The following WNT11 variants were observed in gnomAD, a reference collection of about 807,000 sequenced individuals.
WNT11 encodes the protein protein Wnt-11.
WNT11 carries 20 observed loss-of-function variants against 35.6 expected under a neutral mutation model. The ratio of observed to expected loss-of-function variants is 0.56; its 90% confidence interval spans 0.40 to 0.82. The LOEUF (loss-of-function observed/expected upper bound fraction) is 0.82. Among genes scored for constraint, WNT11 ranks in the 40% least tolerant of loss-of-function variants. WNT11 has a pLI of 0.00. For missense variants in WNT11, 459 were observed against 504.4 expected (o/e 0.91, Z 0.86); for synonymous variants, 200 against 211.9 (o/e 0.94, Z 0.49).
At position 76,195,323 on chromosome 11, in the gene WNT11, G is replaced by A. The variant is rs552471524; in HGVS notation, c.320-479C>T. On this transcript the variant is annotated intron_variant, in intron 2 of 4. Coordinates refer to ENST00000322563, the MANE Select transcript of WNT11 (RefSeq NM_004626.3). ...AATGGGGCTGAGACGAGGTCATACC[G>A]GATCAGGGTGGGCCCTAGGCCAGTG... 1.1e-4 allele frequency among the ~76,000 whole-genome samples: 17 copies of A among 152,376 alleles called. No individual in the cohort carries two copies. The East Asian group carries it at 1.3e-3, about 12-fold the overall frequency.
At chr11:76,193,409 G>T (rs573784248) in intron 3 of WNT11, among the ~76,000 whole-genome samples, 1 of 151,254 alleles carries the variant, frequency 6.6e-6, no homozygotes, top group Non-Finnish European at 1.5e-5. Flanking sequence ...GATGGTGGGC[G>T]TGGCCATGGT....
At chr11:76,205,205 C>T (rs1953452434) in intron 1 of WNT11, among the ~76,000 whole-genome samples, 1 of 152,206 alleles carries the variant, frequency 6.6e-6, no homozygotes, top group Non-Finnish European at 1.5e-5. Flanking sequence ...GGCCAGTGAC[C>T]TCCAGACTGT....
chr11:76,206,174 G>C (rs930475250), intron 1 of WNT11, 151 bp downstream of exon 1: 77 of 653,874 alleles, frequency 1.2e-4, no homozygotes, highest in Admixed American at 2.1e-4. Context: ...TACAGAGGAG[G>C]AAACAGAGGC....
chr11:76,191,074 C>T (rs1031883248), intron 4 of WNT11, among the ~76,000 whole-genome samples: 15 of 152,180 alleles, frequency 9.9e-5, no homozygotes, highest in East Asian at 1.9e-4. Context: ...TGTTGCTGCA[C>T]GGAATGCAGG....
At chr11:76,201,167 T>C (rs1480227598) in intron 1 of WNT11, among the ~76,000 whole-genome samples, 1 of 152,088 alleles carries the variant, frequency 6.6e-6, no homozygotes, top group Non-Finnish European at 1.5e-5. Flanking sequence ...AGGCTCAGAC[T>C]CCCCAGGCGG....
chr11:76,194,769 G>T lies in WNT11; in HGVS notation c.395C>A (p.Ser132Tyr), dbSNP rs1243332909. 2 of 1,557,818 alleles carry T rather than the reference G, an allele frequency of 1.3e-6. No homozygotes were observed. The highest frequency in any genetic ancestry group is 1.9e-5 in the Admixed American group (1 of 52,918). ...ISHAIARACTSGDLPGCSCGP... is the reference protein window; with the variant it reads ...ISHAIARACTYGDLPGCSCGP... ...GCAGGAGCAGCCGGGCAGGTCGCCG[G>T]AGGTGCAGGCCCGGGCGATGGCGTG... The change falls in exon 3 of 5, where the codon TCC (serine) becomes TAC (tyrosine). Residue 132 changes from serine (S) to tyrosine (Y), a missense_variant. Transcript: ENST00000322563. The surrounding 1 kb of genome is among the most constrained non-coding windows in gnomAD (Gnocchi z 5.4).
At chr11:76,193,323 A>T (rs1005846966) in intron 3 of WNT11, among the ~76,000 whole-genome samples, 6 of 151,930 alleles carry the variant, frequency 3.9e-5, no homozygotes, top group Non-Finnish European at 1.5e-5. Context: ...GAGGCGGAGG[A>T]CCCTCTTTGG....
chr11:76,188,787 G>A (rs1953134516), intron 4 of WNT11, among the ~76,000 whole-genome samples: 1 of 152,258 alleles, frequency 6.6e-6, no homozygotes, highest in Non-Finnish European at 1.5e-5. Flanking sequence ...CATTCATGAA[G>A]GATAAGCAAG....
upstream of WNT11, among the ~76,000 whole-genome samples, chr11:76,209,017 C>T (rs1210785523): frequency 1.3e-5 from 2 of 152,174 alleles, no homozygotes; most frequent in African/African-American, 4.8e-5. Context: ...TCCTGCGTCG[C>T]GGGCTGGGGT....
chr11:76,201,830 G>A (rs1039398595), intron 1 of WNT11, among the ~76,000 whole-genome samples: 1 of 152,162 alleles, frequency 6.6e-6, no homozygotes, highest in African/African-American at 2.4e-5. Context: ...GCTGCCAAAT[G>A]ACTTCACTGA....
rs1240359234 is a variant in WNT11 at position 76,186,365 on chromosome 11, T to G, written c.*700A>C. On this transcript the variant is annotated 3_prime_UTR_variant, in exon 5 of 5. Transcript: ENST00000322563. Reference sequence around the variant, plus strand: ...AGAGCTCCCTCTGCCAGCCCCAGGGTCTGCCGAGTTCACTTGACGAGGCCG... The same window carrying G: ...AGAGCTCCCTCTGCCAGCCCCAGGGGCTGCCGAGTTCACTTGACGAGGCCG... 1 of 152,070 alleles carries G rather than the reference T, an allele frequency of 6.6e-6. No individual in the cohort carries two copies. Among genetic ancestry groups the G allele is most frequent in the Non-Finnish European group, 1.5e-5 (1 of 68,014 alleles). 9.4% of individuals were successfully genotyped at this position (152,070 alleles called of 1,614,324 possible). A position where few individuals can be genotyped will look rare whatever the true frequency, so the allele number is the denominator to read the frequency against.
chr11:76,194,819 A>G lies in WNT11; in HGVS notation c.345T>C (p.Tyr115=). The G allele has an allele frequency of 6.5e-7, 1 of 1,538,974 alleles. No individual in the cohort carries two copies. The highest frequency in any genetic ancestry group is 8.7e-7 in the Non-Finnish European group (1 of 1,149,752). ...GGCTGATGGCGGCGGCCGACAGCGCATACACGAAGGCCGACTCCCGGGTCC... is the reference window on the plus strand; with the variant it reads ...GGCTGATGGCGGCGGCCGACAGCGCGTACACGAAGGCCGACTCCCGGGTCC... ...ERGTRESAFV[Y]ALSAAAISHA... is the part of the protein sequence containing the mutation. Residue 115 remains tyrosine, a synonymous_variant, in exon 3 of 5, where the codon TAT becomes TAC. Transcript: ENST00000322563. This position sits in a 1 kb window ranked among gnomAD's most constrained non-coding sequence, Gnocchi z 5.4.
chr11:76,201,137 G>C (rs1197489528), intron 1 of WNT11, among the ~76,000 whole-genome samples: 1 of 152,230 alleles, frequency 6.6e-6, no homozygotes, highest in East Asian at 1.9e-4. Flanking sequence ...AGAAGGTGCT[G>C]TCAGAGCACC....
chr11:76,206,244 C>T (rs1023862992), intron 1 of WNT11, 81 bp downstream of exon 1: 3 of 1,256,032 alleles, frequency 2.4e-6, no homozygotes, highest in Admixed American at 7.2e-5. Context: ...TTGGTGCGCT[C>T]GCCCCATCCA....
chr11:76,192,779 T>C (rs901684918), intron 3 of WNT11, among the ~76,000 whole-genome samples: 33 of 152,332 alleles, frequency 2.2e-4, no homozygotes, highest in Admixed American at 4.6e-4. Flanking sequence ...AGAAGTTAGA[T>C]GCCTTCTACG....
At chr11:76,202,790 C>T (rs1327231118) in intron 1 of WNT11, among the ~76,000 whole-genome samples, 8 of 152,190 alleles carry the variant, frequency 5.3e-5, no homozygotes, top group African/African-American at 1.2e-4. Flanking sequence ...GGGCTTTGTC[C>T]CAGGACTCCA....
intron 4 of WNT11, among the ~76,000 whole-genome samples, chr11:76,188,145 C>T (rs1048271479): frequency 1.3e-5 from 2 of 152,244 alleles, no homozygotes; most frequent in African/African-American, 2.4e-5. Flanking sequence ...ACACGCTGCT[C>T]GTGGAGGAAT....
At chr11:76,205,126 A>G (rs1953451146) in intron 1 of WNT11, among the ~76,000 whole-genome samples, 1 of 152,166 alleles carries the variant, frequency 6.6e-6, no homozygotes, top group Admixed American at 6.5e-5. Context: ...TGTAAACAAG[A>G]AAGGCAGGAA....
At chr11:76,191,055 CAG>C (rs1426308052) in intron 4 of WNT11, 4 of 154,306 alleles carry the variant, frequency 2.6e-5, no homozygotes, top group African/African-American at 7.2e-5. Flanking sequence ...GGCGAGGACA[CAG>C]GGGCAGTGTT....
Sources: gnomAD v4.1 joint callset for allele counts (sites outside exome capture counted in the v4.1 genomes callset) on GRCh38, gnomAD v4.1.1 for gene constraint, Gnocchi (gnomAD v3.1) non-coding constraint, MANE v1.5 for transcripts, NCBI Gene and HGNC (gene_info 2026-07-23, HGNC 2026-07-21) for gene names.